PXDNL: variants seen among roughly 807,000 people sequenced by gnomAD.
PXDNL encodes the protein peroxidasin like.
PXDNL carries 145 observed loss-of-function variants against 150.8 expected under a neutral mutation model. The ratio of observed to expected loss-of-function variants is 0.96; its 90% CI spans 0.84 to 1.10. The LOEUF is 1.10. Ranked by LOEUF, PXDNL falls within the 50% of genes least tolerant of loss-of-function variation. The pLI is 0.00. For synonymous variants in PXDNL, 757 were observed against 725.7 expected, an observed-to-expected ratio of 1.04 and a Z score of -0.69; for missense variants, 2,087 against 1,873.9, an observed-to-expected ratio of 1.11 and a Z score of -2.10.
chr8:51,809,111 A>T, intron 1 of PXDNL, 70 bp downstream of exon 1: 1 of 1,524,306 alleles, frequency 6.6e-7, no homozygotes. Flanking sequence ...AATTAAAAGG[A>T]CACAGGTCCT....
At chr8:51,767,814 C>T (rs1333566788) in intron 1 of PXDNL, among the ~76,000 whole-genome samples, 2 of 152,212 alleles carry the variant, frequency 1.3e-5, no homozygotes, top group African/African-American at 4.8e-5. Context: ...ACTGCCAGGG[C>T]AACTTTGATA....
At position 51,413,248 on chromosome 8, in the gene PXDNL, A is replaced by G; in HGVS notation, c.1806T>C (p.Gly602=). 6.2e-7 allele frequency: 1 copy of G among 1,604,974 alleles called. No individual in the cohort carries two copies. The highest frequency in any genetic ancestry group is 8.5e-7 in the Non-Finnish European group (1 of 1,172,462). Residue 602 remains glycine, a synonymous_variant, in exon 15 of 23, where the codon GGT becomes GGC. Coordinates refer to ENST00000356297, the MANE Select transcript of PXDNL (RefSeq NM_144651.5). ...NMFLTVTAIQ[G]RQAGDDFVES... ...CAACAAAGTCATCGCCAGCTTGTCT[A>G]CCCTGTATAGCTTTGAAAATCAATT...
intron 4 of PXDNL, among the ~76,000 whole-genome samples, chr8:51,526,772 G>A (rs577788182): frequency 1.6e-4 from 25 of 152,222 alleles, no homozygotes; most frequent in African/African-American, 5.8e-4. Flanking sequence ...AGAGTGCCTG[G>A]ACCACCATTA....
chr8:51,448,934 T>A (rs978836931), intron 11 of PXDNL, 68 bp downstream of exon 11: 25 of 709,096 alleles, frequency 3.5e-5, no homozygotes, highest in Non-Finnish European at 6.0e-5. Flanking sequence ...ATTTAAACTA[T>A]TTTTTTTTAC....
chr8:51,337,679 C>T (rs1805868290), intron 21 of PXDNL, among the ~76,000 whole-genome samples: 1 of 151,824 alleles, frequency 6.6e-6, no homozygotes, highest in South Asian at 2.1e-4. Context: ...GAGTTTGAGA[C>T]CAGCCTGGCC....
At chr8:51,529,885 A>C (rs1811855701) in intron 4 of PXDNL, among the ~76,000 whole-genome samples, 1 of 152,178 alleles carries the variant, frequency 6.6e-6, no homozygotes, top group Non-Finnish European at 1.5e-5. Context: ...CATGCTTGGT[A>C]AGAAGTGTAG....
chr8:51,601,663 T>TA (rs1813724478), intron 2 of PXDNL, among the ~76,000 whole-genome samples: 1 of 152,072 alleles, frequency 6.6e-6, no homozygotes, highest in South Asian at 2.1e-4. Context: ...CTTCTTTTTT[T>TA]ATCCAACTTG....
chr8:51,564,585 C>G (rs1452611330), intron 3 of PXDNL, among the ~76,000 whole-genome samples: 1 of 150,858 alleles, frequency 6.6e-6, no homozygotes, highest in East Asian at 2.0e-4. Flanking sequence ...ATGTACTTAA[C>G]ATTTAGCATT....
intron 1 of PXDNL, among the ~76,000 whole-genome samples, chr8:51,799,642 A>G (rs1021561305): frequency 1.6e-4 from 25 of 152,314 alleles, no homozygotes; most frequent in Admixed American, 2.0e-4. Flanking sequence ...CTTTTCAACT[A>G]TACTTGTCTT....
At chr8:51,751,107 T>C (rs2037041703) in intron 1 of PXDNL, among the ~76,000 whole-genome samples, 1 of 151,936 alleles carries the variant, frequency 6.6e-6, no homozygotes, top group South Asian at 2.1e-4. Context: ...AAAAAAGAAA[T>C]ATCATTGCTC....
At chr8:51,631,066 G>A (rs1563488954) in intron 2 of PXDNL, among the ~76,000 whole-genome samples, 1 of 152,112 alleles carries the variant, frequency 6.6e-6, no homozygotes, top group Admixed American at 6.6e-5. Context: ...TAAAGAAAAT[G>A]TAGTATATAT....
At chr8:51,471,721 C>G (rs1585499285) in intron 8 of PXDNL, among the ~76,000 whole-genome samples, 3 of 148,542 alleles carry the variant, frequency 2.0e-5, no homozygotes, top group East Asian at 2.0e-4. Context: ...GAGTCTTGCT[C>G]TGTTGCCCAG....
At chr8:51,464,996 A>G (rs1055825045) in intron 8 of PXDNL, among the ~76,000 whole-genome samples, 20 of 152,162 alleles carry the variant, frequency 1.3e-4, no homozygotes, top group Admixed American at 2.0e-4. Context: ...GCTTGTGCGA[A>G]TTCTACTTTA....
chr8:51,359,879 G>C (rs1429694296), intron 19 of PXDNL, among the ~76,000 whole-genome samples: 1 of 152,142 alleles, frequency 6.6e-6, no homozygotes, highest in African/African-American at 2.4e-5. Context: ...CACTGGCAAA[G>C]AATGGGAAAG....
intron 3 of PXDNL, among the ~76,000 whole-genome samples, chr8:51,574,479 GA>G (rs910053501): frequency 2.6e-5 from 4 of 150,980 alleles, no homozygotes; most frequent in African/African-American, 9.7e-5. Flanking sequence ...GAAGAGAGGA[GA>G]AAAAAAGGAT....
chr8:51,693,980 C>T (rs1478995733), intron 1 of PXDNL, among the ~76,000 whole-genome samples: 1 of 152,184 alleles, frequency 6.6e-6, no homozygotes, highest in East Asian at 1.9e-4. Flanking sequence ...CACCAAATCA[C>T]ACTTCTGTTT....
intron 19 of PXDNL, among the ~76,000 whole-genome samples, chr8:51,358,990 G>T (rs1208866781): frequency 6.6e-6 from 1 of 152,146 alleles, no homozygotes; most frequent in Non-Finnish European, 1.5e-5. Context: ...CCCTCAGAGT[G>T]TGCAGTGTGT....
At chr8:51,656,910 C>T (rs1815161088) in intron 1 of PXDNL, among the ~76,000 whole-genome samples, 1 of 152,134 alleles carries the variant, frequency 6.6e-6, no homozygotes, top group Non-Finnish European at 1.5e-5. Flanking sequence ...TTTGATGCTC[C>T]TCTTCAGACA....
chr8:51,377,105 T>TAC (rs772419401), intron 17 of PXDNL, among the ~76,000 whole-genome samples: 18,199 of 140,488 alleles, frequency 0.13, 1,183 homozygotes, highest in African/African-American at 0.17. Context: ...CTCTACCCTT[T>TAC]ACACACACAC....
Sources: gnomAD v4.1 joint callset for allele counts (sites outside exome capture counted in the v4.1 genomes callset) on GRCh38, gnomAD v4.1.1 for gene constraint, MANE v1.5 for transcripts, NCBI Gene and HGNC (gene_info 2026-07-23, HGNC 2026-07-21) for gene names.